Variants in GRID2 observed in about 807,000 individuals in gnomAD.
GRID2 encodes the protein glutamate receptor ionotropic, delta-2.
GRID2 carries 33 observed loss-of-function variants against 114.8 expected under a neutral mutation model. The observed-to-expected ratio is 0.29, with a 90% confidence interval of 0.22 to 0.38. The LOEUF (loss-of-function observed/expected upper bound fraction) is 0.38, where lower values mean the gene tolerates loss of function less well. GRID2 is among the 10% of genes least tolerant of loss of function. The probability of loss-of-function intolerance (pLI) is 1.00; values close to 1 mark genes in which losing one functional copy is unlikely to be tolerated. For synonymous variants in GRID2, 505 were observed against 449.9 expected (o/e 1.12, Z -1.55); for missense variants, 1,184 against 1,257.7 (o/e 0.94, Z 0.89).
chr4:92,542,844 A>C (rs1726046886), intron 1 of GRID2, among the ~76,000 whole-genome samples: 2 of 152,132 alleles, frequency 1.3e-5, no homozygotes, highest in Non-Finnish European at 2.9e-5. Context: ...AAACAATCAG[A>C]AGGTAATAAT....
At chr4:92,311,355 G>A (rs1248779448) in intron 1 of GRID2, among the ~76,000 whole-genome samples, 1 of 151,996 alleles carries the variant, frequency 6.6e-6, no homozygotes, top group Non-Finnish European at 1.5e-5. Context: ...TGTTCACCAA[G>A]TAGTCATCAA....
intron 2 of GRID2, among the ~76,000 whole-genome samples, chr4:92,658,241 C>T (rs181494180): frequency 4.6e-5 from 7 of 151,870 alleles, no homozygotes; most frequent in South Asian, 2.1e-4. Context: ...AGTTTAGATA[C>T]GGTACTCCTT....
At chr4:92,891,971 CTT>C (rs1043629718) in intron 2 of GRID2, among the ~76,000 whole-genome samples, 4 of 151,898 alleles carry the variant, frequency 2.6e-5, no homozygotes, top group Non-Finnish European at 5.9e-5. Flanking sequence ...AAGTATGCCT[CTT>C]ATAATGTATT....
chr4:92,574,050 C>A (rs979836131), intron 1 of GRID2, among the ~76,000 whole-genome samples: 1 of 151,998 alleles, frequency 6.6e-6, no homozygotes, highest in Non-Finnish European at 1.5e-5. Flanking sequence ...AACCCTTTAC[C>A]TTTAGGTAAT....
intron 4 of GRID2, among the ~76,000 whole-genome samples, chr4:93,185,019 G>A (rs1330757577): frequency 6.6e-6 from 1 of 152,190 alleles, no homozygotes; most frequent in African/African-American, 2.4e-5. Context: ...ACAGGGTTAG[G>A]AGAGTCATTT....
intron 2 of GRID2, among the ~76,000 whole-genome samples, chr4:92,824,712 T>C (rs1741563796): frequency 6.6e-6 from 1 of 152,142 alleles, no homozygotes; most frequent in Non-Finnish European, 1.5e-5. Flanking sequence ...ATTGCTGATA[T>C]GTCTACTCAT....
intron 2 of GRID2, among the ~76,000 whole-genome samples, chr4:93,073,607 C>G (rs1729003933): frequency 6.6e-6 from 1 of 152,018 alleles, no homozygotes; most frequent in African/African-American, 2.4e-5. Context: ...TATGTTTTTC[C>G]CATCTATTCA....
chr4:93,800,929 T>C (rs978449853), intron 1 of GRID2, among the ~76,000 whole-genome samples: 3 of 152,208 alleles, frequency 2.0e-5, no homozygotes, highest in Non-Finnish European at 4.4e-5. Context: ...TCAATCTTAC[T>C]GCTAATTATT....
At chr4:92,440,559 A>C (rs1732994477) in intron 1 of GRID2, among the ~76,000 whole-genome samples, 1 of 152,012 alleles carries the variant, frequency 6.6e-6, no homozygotes, top group Admixed American at 6.6e-5. Flanking sequence ...CCTGAGGAGT[A>C]GTAGAATAGC....
At chr4:92,742,272 TATC>T (rs1194770289) in intron 2 of GRID2, among the ~76,000 whole-genome samples, 2 of 152,162 alleles carry the variant, frequency 1.3e-5, no homozygotes, top group African/African-American at 4.8e-5. Flanking sequence ...ATTTCATTAT[TATC>T]ATTCAGTCTG....
At chr4:92,684,221 T>G (rs1733790727) in intron 2 of GRID2, among the ~76,000 whole-genome samples, 1 of 152,036 alleles carries the variant, frequency 6.6e-6, no homozygotes, top group Admixed American at 6.5e-5. Context: ...ATATCTAATT[T>G]CAGAGGTGGG....
chr4:92,993,715 T>C (rs1219081771), intron 2 of GRID2, among the ~76,000 whole-genome samples: 1 of 152,160 alleles, frequency 6.6e-6, no homozygotes, highest in African/African-American at 2.4e-5. Context: ...TTGGACAACC[T>C]CAAAGACTAC....
chr4:93,086,665 G>A (rs370515845), intron 3 of GRID2, among the ~76,000 whole-genome samples: 25 of 152,184 alleles, frequency 1.6e-4, no homozygotes, highest in African/African-American at 6.0e-4. Context: ...ACGTTATTAA[G>A]GGGTCACAGA....
intron 2 of GRID2, among the ~76,000 whole-genome samples, chr4:92,673,400 G>C (rs1023239324): frequency 6.6e-6 from 1 of 152,040 alleles, no homozygotes; most frequent in Non-Finnish European, 1.5e-5. Context: ...TAAATATTGA[G>C]TTGTTGTTTA....
At chr4:93,616,667 C>T (rs995812921) in intron 13 of GRID2, among the ~76,000 whole-genome samples, 2 of 149,690 alleles carry the variant, frequency 1.3e-5, no homozygotes, top group Non-Finnish European at 3.0e-5. Context: ...CTTAAATTTA[C>T]ACTTGCAATG....
chr4:93,056,929 C>T (rs558114910), intron 2 of GRID2, among the ~76,000 whole-genome samples: 3 of 151,926 alleles, frequency 2.0e-5, no homozygotes, highest in African/African-American at 7.2e-5. Context: ...GTATCTGCCA[C>T]GAGGATCATT....
chr4:92,566,291 T>A (rs924092686), intron 1 of GRID2, among the ~76,000 whole-genome samples: 2 of 152,018 alleles, frequency 1.3e-5, no homozygotes, highest in African/African-American at 4.8e-5. Flanking sequence ...TTTCTGTTTT[T>A]TTTTAAGATG....
At chr4:93,559,374 T>C (rs967615760) in intron 13 of GRID2, among the ~76,000 whole-genome samples, 1 of 152,044 alleles carries the variant, frequency 6.6e-6, no homozygotes, top group African/African-American at 2.4e-5. Flanking sequence ...TACAAGGAGT[T>C]TAAACAAATT....
At chr4:93,398,133 G>GTGTGTGTGTGTGTGTATATATA in intron 9 of GRID2, among the ~76,000 whole-genome samples, 23 of 122,334 alleles carry the variant, frequency 1.9e-4, no homozygotes, top group Admixed American at 2.3e-4. Context: ...ATGTGTGTGT[G>GTGTGTGTGTGTGTGTATATATA]TATATATATA....
Sources: gnomAD v4.1 joint callset for allele counts (sites outside exome capture counted in the v4.1 genomes callset) on GRCh38, gnomAD v4.1.1 for gene constraint, MANE v1.5 for transcripts, NCBI Gene and HGNC (gene_info 2026-07-23, HGNC 2026-07-21) for gene names.